ZNF780B: variants seen among roughly 807,000 people sequenced by gnomAD.
The protein encoded by ZNF780B is zinc finger protein 779.
ZNF780B carries 52 observed loss-of-function variants against 74.1 expected under a neutral mutation model. The observed-to-expected ratio is 0.70, with a 90% CI of 0.56 to 0.88. ZNF780B has a LOEUF of 0.88. ZNF780B is among the 40% of genes least tolerant of loss of function. ZNF780B has a pLI of 0.00. For missense variants in ZNF780B, 953 were observed against 1,007.6 expected (o/e 0.95, Z 0.73); for synonymous variants, 315 against 324.3 (o/e 0.97, Z 0.31).
Position 40,034,381 on chromosome 19 carries a change from G to A in ZNF780B, c.2478C>T (p.Asn826=). The A allele has an allele frequency of 6.2e-7, 1 of 1,608,516 alleles. No individual in the cohort carries two copies. The change falls in exon 5 of 5, where the codon AAC becomes AAT. Residue 826 remains asparagine, a synonymous_variant. Coordinates refer to ENST00000434248, the MANE Select transcript of ZNF780B (RefSeq NM_001005851.3). The part of the protein sequence containing the change: ...QPSDISSNLL[N]IRKFILG ...TTCACCCAAGTATGAATTTTCTGATGTTCAGTAAGTTGCTACTGATGTCTG... is the reference window on the plus strand; with the variant it reads ...TTCACCCAAGTATGAATTTTCTGATATTCAGTAAGTTGCTACTGATGTCTG...
At position 40,045,341 on chromosome 19, in the gene ZNF780B, G is replaced by A. The variant is rs541665042; in HGVS notation, c.232+2034C>T. Among the ~76,000 whole-genome samples the A allele has an allele frequency of 6.6e-5, 10 of 151,828 alleles. No homozygotes were observed. In the South Asian group the frequency reaches 2.1e-3, roughly 32 times the overall value. The stretch of plus-strand genomic sequence containing the variant: ...GTTTAAACATACCTGAGAGGATGAG[G>A]GAAAAAGGGAACTCTTATATACTGT... On this transcript the variant is annotated intron_variant, in intron 4 of 4. Coordinates refer to ENST00000434248, the MANE Select transcript of ZNF780B (RefSeq NM_001005851.3).
chr19:40,036,249 G>C lies in ZNF780B; in HGVS notation c.610C>G (p.Leu204Val). ...KCKECGKAFQLHIQLTRHQKF... is the reference protein window; with the variant it reads ...KCKECGKAFQVHIQLTRHQKF... Reference sequence around the variant, plus strand: ...TGATGTCGAGTAAGTTGTATGTGAAGTTGAAAGGCTTTCCCACATTCTTTG... The same window carrying C: ...TGATGTCGAGTAAGTTGTATGTGAACTTGAAAGGCTTTCCCACATTCTTTG... The change falls in exon 5 of 5, where the codon CTT becomes GTT. Residue 204 changes from leucine (L) to valine (V), a missense_variant. By Grantham distance (32) the Leu-to-Val change is conservative. Transcript: ENST00000434248. The C allele has an allele frequency of 6.2e-7, 1 of 1,612,306 alleles. No homozygotes were observed. The highest frequency in any genetic ancestry group is 8.5e-7 in the Non-Finnish European group (1 of 1,179,410).
intron 1 of ZNF780B, among the ~76,000 whole-genome samples, chr19:40,053,040 T>G (rs1973308415): frequency 6.6e-6 from 1 of 152,156 alleles, no homozygotes; most frequent in Non-Finnish European, 1.5e-5. Flanking sequence ...AATAATTTTT[T>G]TTTCTAGAAA....
Position 40,034,449 on chromosome 19 carries a change from G to A in ZNF780B, c.2410C>T (p.Gln804Ter), listed in dbSNP as rs1972133928. 2 of 1,613,966 alleles carry A rather than the reference G, an allele frequency of 1.2e-6. No homozygotes were observed. Among genetic ancestry groups the A allele is most frequent in the East Asian group, 2.2e-5 (1 of 44,842 alleles). ...CTTACATTCAAAGGGTTTCTCACCT[G>A]TACAAGTTTTTGATGCAGAGAAAGT... Reference protein sequence around the residue: ...LQLSLHQKLVQVRNPLNVRNV... With the variant: ...LQLSLHQKLV Residue 804 changes from glutamine (Q) to a stop codon, truncating the protein, a stop_gained, in exon 5 of 5, where the codon CAG becomes TAG. Coordinates refer to ENST00000434248, the MANE Select transcript of ZNF780B (RefSeq NM_001005851.3). LOFTEE classifies it high-confidence loss of function.
In ZNF780B at chr19:40,035,458, A is replaced by T. The variant is rs1214651581; in HGVS notation, c.1401T>A (p.His467Gln). ...TACATTCAAAGGGTTTCCCACCAGT[A>T]TGAATTTGGCAATGTTGAATAAGTT... ...HYQLIQHCQI[H>Q]TGGKPFECKE... Residue 467 changes from histidine (H) to glutamine (Q), a missense_variant, in exon 5 of 5, where the codon CAT (histidine) becomes CAA (glutamine). His to Gln is a conservative substitution (Grantham distance 24, BLOSUM62 0). Coordinates refer to ENST00000434248, the MANE Select transcript of ZNF780B (RefSeq NM_001005851.3). 1 of 1,614,096 alleles carries T rather than the reference A, an allele frequency of 6.2e-7. No homozygotes were observed. Among genetic ancestry groups the T allele is most frequent in the Non-Finnish European group, 8.5e-7 (1 of 1,180,038 alleles).
In ZNF780B at chr19:40,028,505, G is replaced by T. The variant is rs1373339093; in HGVS notation, c.*5852C>A. 15 of 152,148 alleles carry T rather than the reference G, an allele frequency of 9.9e-5. No individual in the cohort carries two copies. Among genetic ancestry groups the T allele is most frequent in the Admixed American group, 9.8e-4 (15 of 15,274 alleles). 9.4% of individuals were successfully genotyped at this position (152,148 alleles called of 1,614,324 possible). ...ACAACATGCATGGGATAGACACTCT[G>T]TTCTCTACAGATCCGTGCTTTGGAA... is the stretch of plus-strand genomic sequence containing the variant. On this transcript the variant is annotated 3_prime_UTR_variant, in exon 5 of 5. Transcript: ENST00000434248.
chr19:40,043,020 C>T (rs1972728338), intron 4 of ZNF780B, among the ~76,000 whole-genome samples: 1 of 152,136 alleles, frequency 6.6e-6, no homozygotes, highest in South Asian at 2.1e-4. Context: ...GTTTTTTCCC[C>T]ATCTTTGTGG....
intron 1 of ZNF780B, among the ~76,000 whole-genome samples, chr19:40,055,153 AC>A (rs1973430175): frequency 6.6e-6 from 1 of 151,230 alleles, no homozygotes; most frequent in Admixed American, 6.6e-5. Context: ...TTTAATATAA[AC>A]CTCTGGAGGA....
At chr19:40,036,759 C>A in intron 4 of ZNF780B, 133 bp from the exon 5 acceptor site, 1 of 586,926 alleles carries the variant, frequency 1.7e-6, no homozygotes, top group Non-Finnish European at 2.9e-6. Context: ...AAAAGGGTGC[C>A]AATAATGAAT....
At chr19:40,051,184 G>C (rs939185777) in intron 1 of ZNF780B, among the ~76,000 whole-genome samples, 1 of 151,414 alleles carries the variant, frequency 6.6e-6, no homozygotes, top group African/African-American at 2.4e-5. Flanking sequence ...CTATGCCCAG[G>C]CATTTAACTT....
intron 4 of ZNF780B, among the ~76,000 whole-genome samples, chr19:40,039,033 T>C (rs940125829): frequency 6.6e-6 from 1 of 151,670 alleles, no homozygotes; most frequent in African/African-American, 2.4e-5. Flanking sequence ...TCTAGGGTTT[T>C]TATGGTTTTA....
chr19:40,050,359 T>C lies in ZNF780B; in HGVS notation c.-27A>G. On this transcript the variant is annotated 5_prime_UTR_variant, in exon 2 of 5. Coordinates refer to ENST00000434248, the MANE Select transcript of ZNF780B (RefSeq NM_001005851.3). Reference sequence around the variant, plus strand: ...TTTCTAGAATTACAAAATTGGTCAATCTTCCTCGGGCTTCTCCCCTGGAAA... The same window carrying C: ...TTTCTAGAATTACAAAATTGGTCAACCTTCCTCGGGCTTCTCCCCTGGAAA... The C allele has an allele frequency of 1.9e-6, 3 of 1,590,524 alleles. No homozygotes were observed. Among genetic ancestry groups the C allele is most frequent in the South Asian group, 2.2e-5 (2 of 88,958 alleles).
In ZNF780B at chr19:40,048,563, G is replaced by C. The variant is rs1973052302; in HGVS notation, c.136+107C>G. The C allele has an allele frequency of 4.5e-6, 7 of 1,547,106 alleles. No homozygotes were observed. In the South Asian group the frequency reaches 7.9e-5, roughly 17 times the overall value. On this transcript the variant is annotated intron_variant, in intron 3 of 4. Transcript: ENST00000434248. ...TCTCAATCCATTCCTTCGGGAATAAGAAGAAGGAATCCAACTACCTCTTAA... is the reference window on the plus strand; with the variant it reads ...TCTCAATCCATTCCTTCGGGAATAACAAGAAGGAATCCAACTACCTCTTAA...
chr19:40,052,717 T>G lies in ZNF780B; in HGVS notation c.-45-2340A>C, dbSNP rs1972545. ...CAAAGCTATAGTAACCAAAACAGCA[T>G]GATACTGACATAAAAACAGACACCT... On this transcript the variant is annotated intron_variant, in intron 1 of 4. Coordinates refer to ENST00000434248, the MANE Select transcript of ZNF780B (RefSeq NM_001005851.3). Among the ~76,000 whole-genome samples the G allele has an allele frequency of 4.8e-3, 732 of 152,240 alleles. 9 individuals carry two copies. The highest frequency in any genetic ancestry group is 0.016 in the African/African-American group (678 of 41,532).
At chr19:40,052,536 C>T (rs559190571) in intron 1 of ZNF780B, among the ~76,000 whole-genome samples, 2 of 151,520 alleles carry the variant, frequency 1.3e-5, no homozygotes, top group South Asian at 4.2e-4. Context: ...TACAAGAACT[C>T]AGATTAAGAA....
chr19:40,034,516 A>G lies in ZNF780B; in HGVS notation c.2343T>C (p.Tyr781=), dbSNP rs761808797. 16 of 1,613,840 alleles carry G rather than the reference A, an allele frequency of 9.9e-6. No homozygotes were observed. The highest frequency in any genetic ancestry group is 1.3e-5 in the Non-Finnish European group (15 of 1,179,950). The change falls in exon 5 of 5, where the codon TAT becomes TAC. Residue 781 remains tyrosine, a synonymous_variant. Transcript: ENST00000434248. ...PQSIHTGEKP[Y]ECKECGKAFR... ...AAGCCTTCCCACACTCCTTACATTC[A>G]TAGGGTTTCTCACCAGTATGAATAC...
Position 40,032,106 on chromosome 19 carries a change from G to A in ZNF780B, c.*2251C>T. ...AAGGCTAAATGACACTATAAAGAAA[G>A]AAATCTAAACACATAGCCAACAACA... is the stretch of plus-strand genomic sequence containing the variant. On this transcript the variant is annotated 3_prime_UTR_variant, in exon 5 of 5. Transcript: ENST00000434248. 2.2e-6 allele frequency: 1 copy of A among 449,586 alleles called. No homozygotes were observed. Among genetic ancestry groups the A allele is most frequent in the Non-Finnish European group, 4.4e-6 (1 of 225,234 alleles). 27.8% of individuals were successfully genotyped at this position (449,586 alleles called of 1,614,324 possible). A position where few individuals can be genotyped will look rare whatever the true frequency, so the allele number is the denominator to read the frequency against.
chr19:40,036,981 T>C lies in ZNF780B; in HGVS notation c.233-355A>G, dbSNP rs966686623. On this transcript the variant is annotated intron_variant, in intron 4 of 4. Coordinates refer to ENST00000434248, the MANE Select transcript of ZNF780B (RefSeq NM_001005851.3). The stretch of plus-strand genomic sequence containing the variant: ...TGCAGTGCAATGGCACAATCTCAGC[T>C]CACTGCACCCTCTACCTCCTGGGTT... Among the ~76,000 whole-genome samples, 4 of 151,540 alleles carry C rather than the reference T, an allele frequency of 2.6e-5. No homozygotes were observed. In the South Asian group the frequency reaches 6.2e-4, roughly 24 times the overall value.
intron 4 of ZNF780B, among the ~76,000 whole-genome samples, chr19:40,045,028 A>C (rs1972866011): frequency 6.6e-6 from 1 of 152,252 alleles, no homozygotes; most frequent in South Asian, 2.1e-4. Flanking sequence ...ATGGAAACCA[A>C]AAGTGAGTAG....
Sources: gnomAD v4.1 joint callset for allele counts (sites outside exome capture counted in the v4.1 genomes callset) on GRCh38, gnomAD v4.1.1 for gene constraint, MANE v1.5 for transcripts, NCBI Gene and HGNC (gene_info 2026-07-23, HGNC 2026-07-21) for gene names.